The following SPPL2A variants were observed in gnomAD, a reference collection of about 807,000 sequenced individuals.
SPPL2A encodes signal peptide peptidase-like 2A.
A neutral mutation model predicts 63.8 loss-of-function variants in SPPL2A; 51 were observed. The observed-to-expected ratio is 0.80, with a 90% CI of 0.64 to 1.01. The LOEUF is 1.01. Among genes scored for constraint, SPPL2A ranks in the 50% least tolerant of loss-of-function variants. The probability of loss-of-function intolerance (pLI) is 0.00; values close to 1 mark genes in which losing one functional copy is unlikely to be tolerated. For synonymous variants in SPPL2A, 188 were observed against 205.8 expected, an observed-to-expected ratio of 0.91 and a Z score of 0.74; for missense variants, 553 against 622.7, an observed-to-expected ratio of 0.89 and a Z score of 1.19.
intron 14 of SPPL2A, 83 bp from the exon 15 acceptor site, chr15:50,707,957 T>C: frequency 1.3e-6 from 1 of 763,044 alleles, no homozygotes; most frequent in Non-Finnish European, 2.4e-6. Flanking sequence ...GGATTCTTTT[T>C]CTAAAAAACA....
At chr15:50,761,137 G>A (rs2063007741) in intron 1 of SPPL2A, among the ~76,000 whole-genome samples, 1 of 151,970 alleles carries the variant, frequency 6.6e-6, no homozygotes, top group African/African-American at 2.4e-5. Flanking sequence ...AGCCTCCCAC[G>A]TAGCTGGGAC....
chr15:50,727,906 C>T lies in SPPL2A; in HGVS notation c.1090-1529G>A, dbSNP rs114579547. 5.9e-3 allele frequency among the ~76,000 whole-genome samples: 903 copies of T among 152,202 alleles called. 15 individuals carry two copies. Among genetic ancestry groups the T allele is most frequent in the African/African-American group, 0.021 (868 of 41,522 alleles). On this transcript the variant is annotated intron_variant, in intron 10 of 14. Coordinates refer to ENST00000261854, the MANE Select transcript of SPPL2A (RefSeq NM_032802.4). ...AGAGCGAGCACTTAGCTTTTTCCACCACATTAGGTTGCTAGAAATCATGTT... is the reference window on the plus strand; with the variant it reads ...AGAGCGAGCACTTAGCTTTTTCCACTACATTAGGTTGCTAGAAATCATGTT...
At chr15:50,758,059 T>C (rs974815459) in intron 1 of SPPL2A, among the ~76,000 whole-genome samples, 2 of 145,116 alleles carry the variant, frequency 1.4e-5, no homozygotes, top group African/African-American at 2.6e-5. Context: ...GAGGCTGAGG[T>C]GGGTGGATCA....
chr15:50,716,489 C>T (rs1174992146), intron 14 of SPPL2A, among the ~76,000 whole-genome samples: 1 of 152,128 alleles, frequency 6.6e-6, no homozygotes, highest in East Asian at 1.9e-4. Context: ...GCCACTGCAC[C>T]TAGCCTATAA....
chr15:50,757,320 G>C (rs936488209), intron 1 of SPPL2A, among the ~76,000 whole-genome samples: 2 of 151,876 alleles, frequency 1.3e-5, no homozygotes, highest in Non-Finnish European at 2.9e-5. Context: ...CTGACCTCGT[G>C]ATCCGCCCGC....
intron 1 of SPPL2A, among the ~76,000 whole-genome samples, chr15:50,762,447 G>A (rs115163616): frequency 5.3e-5 from 8 of 151,890 alleles, no homozygotes; most frequent in Non-Finnish European, 1.0e-4. Flanking sequence ...CCTGCTAGGC[G>A]CTCATTTAAT....
chr15:50,710,770 AGT>A, intron 14 of SPPL2A, among the ~76,000 whole-genome samples: 1 of 152,368 alleles, frequency 6.6e-6, no homozygotes, highest in South Asian at 2.1e-4. Context: ...CTGACTTGTC[AGT>A]TACAGCTTGT....
chr15:50,722,748 C>G (rs2062658242), intron 12 of SPPL2A, among the ~76,000 whole-genome samples: 1 of 152,154 alleles, frequency 6.6e-6, no homozygotes, highest in African/African-American at 2.4e-5. Context: ...AGCCACCAAG[C>G]CCAGCCATGA....
chr15:50,761,571 G>A (rs1172336690), intron 1 of SPPL2A, among the ~76,000 whole-genome samples: 2 of 151,830 alleles, frequency 1.3e-5, no homozygotes, highest in Non-Finnish European at 2.9e-5. Context: ...AGCTGGGATC[G>A]CACCATTGCA....
At chr15:50,713,933 C>G (rs2062580097) in intron 14 of SPPL2A, among the ~76,000 whole-genome samples, 1 of 152,166 alleles carries the variant, frequency 6.6e-6, no homozygotes, top group Non-Finnish European at 1.5e-5. Flanking sequence ...CAGCAACCCT[C>G]TGAAATAGGT....
chr15:50,738,448 C>G lies in SPPL2A; in HGVS notation c.733+1232G>C, dbSNP rs147431526. Among the ~76,000 whole-genome samples, 428 of 151,392 alleles carry G rather than the reference C, an allele frequency of 2.8e-3. 2 individuals are homozygous for G. The highest frequency in any genetic ancestry group is 0.01 in the African/African-American group (418 of 41,242). On this transcript the variant is annotated intron_variant, in intron 6 of 14. Transcript: ENST00000261854. ...CCTGTAATCCCAGCTACTCAGGAGA[C>G]TGAGGCAGGAGACTCACTTGAACCT... is the stretch of plus-strand genomic sequence containing the variant.
At chr15:50,759,346 C>T (rs1017051224) in intron 1 of SPPL2A, among the ~76,000 whole-genome samples, 2 of 151,932 alleles carry the variant, frequency 1.3e-5, no homozygotes, top group African/African-American at 4.8e-5. Flanking sequence ...TTTGAGAGGC[C>T]GAGGTAGGAG....
intron 7 of SPPL2A, among the ~76,000 whole-genome samples, 181 bp from the exon 8 acceptor site, chr15:50,736,383 G>A (rs990716668): frequency 6.6e-6 from 1 of 152,166 alleles, no homozygotes; most frequent in East Asian, 1.9e-4. Flanking sequence ...ATAATTTTCT[G>A]TGATGATGAA....
Position 50,765,639 on chromosome 15 carries a change from G to A in SPPL2A, c.-106C>T. On this transcript the variant is annotated 5_prime_UTR_variant, in exon 1 of 15. Coordinates refer to ENST00000261854, the MANE Select transcript of SPPL2A (RefSeq NM_032802.4). ...CTGCCTCCGTGGCCGGACCGGACCGGACAGGCGCGGGCGGCCGGGCTACGA... is the reference window on the plus strand; with the variant it reads ...CTGCCTCCGTGGCCGGACCGGACCGAACAGGCGCGGGCGGCCGGGCTACGA... 1 of 759,432 alleles carries A rather than the reference G, an allele frequency of 1.3e-6. No individual in the cohort carries two copies. The highest frequency in any genetic ancestry group is 1.9e-6 in the Non-Finnish European group (1 of 540,384). The allele number at this position is 759,432 out of a possible 1,614,324, so 47.0% of individuals were successfully genotyped here. A position where few individuals can be genotyped will look rare whatever the true frequency, so the allele number is the denominator to read the frequency against.
intron 14 of SPPL2A, among the ~76,000 whole-genome samples, chr15:50,715,569 A>G (rs1278376030): frequency 6.6e-6 from 1 of 151,680 alleles, no homozygotes; most frequent in African/African-American, 2.4e-5. Flanking sequence ...GAAGCTACAA[A>G]GAAAGAAACT....
At chr15:50,729,243 G>A (rs948977033) in intron 10 of SPPL2A, among the ~76,000 whole-genome samples, 1 of 152,210 alleles carries the variant, frequency 6.6e-6, no homozygotes, top group Non-Finnish European at 1.5e-5. Flanking sequence ...ATTAGCCACC[G>A]CACCTGGCCA....
rs1436407088 is a variant in SPPL2A, at chr15:50,706,897, C to A, written c.*903G>T. 1.3e-5 allele frequency: 2 copies of A among 151,850 alleles called. No individual in the cohort carries two copies. Among genetic ancestry groups the A allele is most frequent in the African/African-American group, 4.8e-5 (2 of 41,312 alleles). 9.4% of individuals were successfully genotyped at this position (151,850 alleles called of 1,614,324 possible). A position where few individuals can be genotyped will look rare whatever the true frequency, so the allele number is the denominator to read the frequency against. ...TTCTATATATTATGTTTCTCTATAT[C>A]TGGAAAAATGTTCTTAATATAATAC... On this transcript the variant is annotated 3_prime_UTR_variant, in exon 15 of 15. Coordinates refer to ENST00000261854, the MANE Select transcript of SPPL2A (RefSeq NM_032802.4).
intron 5 of SPPL2A, among the ~76,000 whole-genome samples, chr15:50,742,479 T>G (rs2062830345): frequency 6.6e-6 from 1 of 152,180 alleles, no homozygotes; most frequent in Non-Finnish European, 1.5e-5. Flanking sequence ...ACATCTCTCA[T>G]TTGGTAGAGT....
chr15:50,730,440 G>T (rs11637164), intron 10 of SPPL2A, among the ~76,000 whole-genome samples: 4,330 of 152,228 alleles, frequency 0.028, 76 homozygotes, highest in Middle Eastern at 0.1. Context: ...TTTTGGTACA[G>T]AAGGCTTCGG....
Sources: gnomAD v4.1 joint callset for allele counts (sites outside exome capture counted in the v4.1 genomes callset) on GRCh38, gnomAD v4.1.1 for gene constraint, MANE v1.5 for transcripts, NCBI Gene and HGNC (gene_info 2026-07-23, HGNC 2026-07-21) for gene names.